CUL3: variants seen among roughly 807,000 people sequenced by gnomAD.
CUL3 encodes cullin-3.
CUL3 carries 19 observed loss-of-function variants against 89.1 expected under a neutral mutation model. That is an observed-to-expected ratio of 0.21 (90% CI 0.15 to 0.31). The LOEUF (loss-of-function observed/expected upper bound fraction) is 0.31, where lower values mean the gene tolerates loss of function less well. Among genes scored for constraint, CUL3 ranks in the 10% least tolerant of loss-of-function variants. The pLI is 1.00. For synonymous variants in CUL3, 351 were observed against 308.4 expected (o/e 1.14, Z -1.45); for missense variants, 469 against 942.3 (o/e 0.50, Z 6.58).
chr2:224,537,040 T>C (rs1259449295), intron 2 of CUL3, among the ~76,000 whole-genome samples: 1 of 152,214 alleles, frequency 6.6e-6, no homozygotes, highest in East Asian at 1.9e-4. Flanking sequence ...GAATTTCTAA[T>C]AGTGGTTATG....
intron 1 of CUL3, among the ~76,000 whole-genome samples, chr2:224,573,391 G>A (rs912538168): frequency 6.6e-6 from 1 of 152,106 alleles, no homozygotes; most frequent in Non-Finnish European, 1.5e-5. Context: ...TTATGCTTTT[G>A]ACTGCTTTAT....
intron 2 of CUL3, among the ~76,000 whole-genome samples, chr2:224,543,751 C>T (rs72974205): frequency 0.27 from 41,306 of 151,966 alleles, 6,197 homozygotes; most frequent in Middle Eastern, 0.4. Flanking sequence ...GTGAGGTTGA[C>T]GTGGGCACAA....
intron 12 of CUL3, among the ~76,000 whole-genome samples, chr2:224,496,927 TTTCC>T (rs1430244122): frequency 6.6e-6 from 1 of 152,206 alleles, no homozygotes; most frequent in Non-Finnish European, 1.5e-5. Context: ...AGTTCTTTAG[TTTCC>T]TTGTCCTTCC....
intron 12 of CUL3, 92 bp downstream of exon 12, chr2:224,497,661 G>A (rs1692217892): frequency 2.2e-6 from 2 of 906,306 alleles, no homozygotes; most frequent in Non-Finnish European, 1.7e-6. Context: ...AGAAACAGAA[G>A]TAAGTAATTT....
intron 8 of CUL3, among the ~76,000 whole-genome samples, chr2:224,505,108 G>A: frequency 1.3e-5 from 2 of 148,636 alleles, no homozygotes. Context: ...AAAAATGACT[G>A]TTTACCAACT....
intron 11 of CUL3, chr2:224,499,459 C>T: frequency 4.2e-6 from 1 of 240,370 alleles, no homozygotes; most frequent in Admixed American, 4.1e-5. Flanking sequence ...CTGGCAATAT[C>T]AAATACAGTT....
At chr2:224,542,476 C>T (rs1471704661) in intron 2 of CUL3, among the ~76,000 whole-genome samples, 1 of 150,000 alleles carries the variant, frequency 6.7e-6, no homozygotes, top group African/African-American at 2.5e-5. Context: ...CAGCAGCACG[C>T]GCCAGCACTT....
intron 1 of CUL3, among the ~76,000 whole-genome samples, chr2:224,569,125 A>G (rs758441491): frequency 6.6e-6 from 1 of 152,230 alleles, no homozygotes; most frequent in Admixed American, 6.5e-5. Context: ...ACATTCTTTT[A>G]AAGTAACATT....
rs1316840144 is a variant in CUL3, at chr2:224,571,149, T to C, written c.67-13293A>G. On this transcript the variant is annotated intron_variant, in intron 1 of 15. Transcript: ENST00000264414. ...CTATTTCCACCCATAAAAATAGAGA[T>C]GTTACAGGACTCCCTTAAACACATT... is the stretch of plus-strand genomic sequence containing the variant. Among the ~76,000 whole-genome samples, 3 of 152,308 alleles carry C rather than the reference T, an allele frequency of 2.0e-5. No homozygotes were observed. In the East Asian group the frequency reaches 5.8e-4, roughly 29 times the overall value.
intron 1 of CUL3, among the ~76,000 whole-genome samples, chr2:224,579,290 C>T (rs1388740128): frequency 6.6e-6 from 1 of 152,072 alleles, no homozygotes; most frequent in African/African-American, 2.4e-5. Flanking sequence ...TGTTTCATAA[C>T]ATGAAAAATG....
At chr2:224,498,232 G>A (rs889257734) in intron 11 of CUL3, among the ~76,000 whole-genome samples, 3 of 152,102 alleles carry the variant, frequency 2.0e-5, no homozygotes, top group African/African-American at 7.2e-5. Flanking sequence ...ACCACAGTAC[G>A]AAAAATACTC....
intron 2 of CUL3, among the ~76,000 whole-genome samples, chr2:224,539,861 T>G (rs1203723296): frequency 6.6e-6 from 1 of 151,932 alleles, no homozygotes; most frequent in African/African-American, 2.4e-5. Flanking sequence ...TGAATATATG[T>G]CCAAAACCAT....
At chr2:224,489,572 A>G (rs1691876011) in intron 13 of CUL3, among the ~76,000 whole-genome samples, 1 of 152,248 alleles carries the variant, frequency 6.6e-6, no homozygotes, top group African/African-American at 2.4e-5. Flanking sequence ...TTCAAGGAGA[A>G]CTACAAACCA....
At position 224,547,744 on chromosome 2, in the gene CUL3, T is replaced by C. The variant is rs545969342; in HGVS notation, c.264+9915A>G. Among the ~76,000 whole-genome samples, 44 of 152,216 alleles carry C rather than the reference T, an allele frequency of 2.9e-4. 1 individual carries two copies. Among genetic ancestry groups the C allele is most frequent in the Admixed American group, 3.9e-4 (6 of 15,284 alleles). On this transcript the variant is annotated intron_variant, in intron 2 of 15. Coordinates refer to ENST00000264414, the MANE Select transcript of CUL3 (RefSeq NM_003590.5). ...TTATATATTGTATATATATATGCCA[T>C]TAAAAACATTAATTTTAATGTTTTC...
At chr2:224,483,927 C>CGTGA (rs1645830979) in intron 13 of CUL3, among the ~76,000 whole-genome samples, 2 of 152,130 alleles carry the variant, frequency 1.3e-5, no homozygotes, top group South Asian at 4.1e-4. Context: ...CGGTTGCTCA[C>CGTGA]GCCTGTAATC....
chr2:224,534,496 G>A (rs1693810502), intron 3 of CUL3, among the ~76,000 whole-genome samples: 1 of 152,048 alleles, frequency 6.6e-6, no homozygotes, highest in African/African-American at 2.4e-5. Context: ...TAAGAATTAA[G>A]GATTTAAAAA....
intron 13 of CUL3, among the ~76,000 whole-genome samples, chr2:224,483,568 C>T (rs886199749): frequency 6.6e-6 from 1 of 152,120 alleles, no homozygotes; most frequent in African/African-American, 2.4e-5. Flanking sequence ...TTTTTAAAAG[C>T]AATGTTTTCC....
intron 15 of CUL3, 105 bp from the exon 16 acceptor site, chr2:224,474,481 C>CT: frequency 1.1e-6 from 1 of 886,020 alleles, no homozygotes; most frequent in East Asian, 2.8e-5. Flanking sequence ...ACTTTACTAA[C>CT]TGGATTACCA....
At chr2:224,524,433 C>G (rs1437977575) in intron 3 of CUL3, among the ~76,000 whole-genome samples, 3 of 151,994 alleles carry the variant, frequency 2.0e-5, no homozygotes, top group African/African-American at 7.3e-5. Flanking sequence ...AGAATCCAAA[C>G]AGAAACTATC....
Sources: allele counts gnomAD v4.1 joint callset (sites outside exome capture counted in the v4.1 genomes callset), GRCh38; gene constraint gnomAD v4.1.1; transcripts MANE v1.5; gene names NCBI Gene and HGNC (gene_info 2026-07-23, HGNC 2026-07-21).